ZFYVE28: variants seen among roughly 807,000 people sequenced by gnomAD.
The protein encoded by ZFYVE28 is lateral signaling target protein 2 homolog.
A neutral mutation model predicts 82.1 loss-of-function variants in ZFYVE28; 40 were observed. The observed-to-expected ratio is 0.49, with a 90% confidence interval of 0.38 to 0.63. The LOEUF (loss-of-function observed/expected upper bound fraction) is 0.63. Among genes scored for constraint, ZFYVE28 ranks in the 30% least tolerant of loss-of-function variants. The probability of loss-of-function intolerance (pLI) is 0.00; values close to 1 mark genes in which losing one functional copy is unlikely to be tolerated. For synonymous variants in ZFYVE28, 612 were observed against 546.1 expected, an observed-to-expected ratio of 1.12 and a Z score of -1.68; for missense variants, 1,321 against 1,242.1, an observed-to-expected ratio of 1.06 and a Z score of -0.96.
chr4:2,411,410 C>G (rs188867869), intron 1 of ZFYVE28, among the ~76,000 whole-genome samples: 8 of 152,372 alleles, frequency 5.3e-5, no homozygotes, highest in Admixed American at 5.2e-4. Context: ...CTATTCAGAT[C>G]AGTCAAAAAA....
In ZFYVE28 at chr4:2,341,743, G is replaced by T. The variant is rs1489768183; in HGVS notation, c.181-128C>A. On this transcript the variant is annotated intron_variant, in intron 2 of 12. Coordinates refer to ENST00000290974, the MANE Select transcript of ZFYVE28 (RefSeq NM_020972.3). This position sits in a 1 kb window ranked among gnomAD's most constrained non-coding sequence, Gnocchi z 4.5. ...ATTATTAAAGTGATAGAGGAGGCTA[G>T]GCACGGTGGCTCATGCCTATAATGC... 7 of 1,346,194 alleles carry T rather than the reference G, an allele frequency of 5.2e-6. No individual in the cohort carries two copies. The Admixed American group carries it at 1.6e-4, about 31-fold the overall frequency. 83.4% of individuals were successfully genotyped at this position (1,346,194 alleles called of 1,614,324 possible). A position where few individuals can be genotyped will look rare whatever the true frequency, so the allele number is the denominator to read the frequency against.
rs1733365791 is a variant in ZFYVE28 at position 2,418,402 on chromosome 4, G to T, written c.-79C>A. ...CGCCCGGGCCCGGCTGAGGCGCGGG[G>T]CGGACGCGGAGGCACGGCCGGAGCC... On this transcript the variant is annotated 5_prime_UTR_variant, in exon 1 of 13. Coordinates refer to ENST00000290974, the MANE Select transcript of ZFYVE28 (RefSeq NM_020972.3). This position sits in a 1 kb window ranked among gnomAD's most constrained non-coding sequence, Gnocchi z 4.6. The T allele has an allele frequency of 8.9e-7, 1 of 1,123,450 alleles. No individual in the cohort carries two copies. The highest frequency in any genetic ancestry group is 1.1e-6 in the Non-Finnish European group (1 of 910,388). The allele number at this position is 1,123,450 out of a possible 1,614,324, so 69.6% of individuals were successfully genotyped here.
intron 8 of ZFYVE28, among the ~76,000 whole-genome samples, chr4:2,289,086 C>A (rs1004745300): frequency 2.6e-5 from 4 of 152,258 alleles, no homozygotes; most frequent in African/African-American, 9.6e-5. Flanking sequence ...AGTTCGAGAC[C>A]AGCCTGGCCA....
chr4:2,400,596 A>C (rs1035785055), intron 1 of ZFYVE28, among the ~76,000 whole-genome samples: 3 of 152,178 alleles, frequency 2.0e-5, no homozygotes, highest in Non-Finnish European at 4.4e-5. Context: ...ATTAACTCAC[A>C]CAATCACAAG....
rs999336132 is a variant in ZFYVE28, at chr4:2,372,224, C to T, written c.40-18151G>A. Among the ~76,000 whole-genome samples, 5 of 152,140 alleles carry T rather than the reference C, an allele frequency of 3.3e-5. No individual in the cohort carries two copies. Among genetic ancestry groups the T allele is most frequent in the Non-Finnish European group, 7.4e-5 (5 of 68,022 alleles). ...GACCTTCCAGAGAACCAGAGGTTTC[C>T]ATCCTAGAAGGATGGTGGCGGGGCT... On this transcript the variant is annotated intron_variant, in intron 1 of 12. Coordinates refer to ENST00000290974, the MANE Select transcript of ZFYVE28 (RefSeq NM_020972.3). The surrounding 1 kb of genome is among the most constrained non-coding windows in gnomAD (Gnocchi z 5.2).
chr4:2,320,381 G>C lies in ZFYVE28; in HGVS notation c.702-110C>G. 8.1e-6 allele frequency: 7 copies of C among 860,250 alleles called. No individual in the cohort carries two copies. The highest frequency in any genetic ancestry group is 2.6e-4 in the Middle Eastern group (1 of 3,912). The allele number at this position is 860,250 out of a possible 1,614,324, so 53.3% of individuals were successfully genotyped here. ...ACCACGCCCGCTGGGACTCTGCAGC[G>C]CCACTGTCCCAGCACGGCCGCCGCC... On this transcript the variant is annotated intron_variant, in intron 6 of 12. Transcript: ENST00000290974. This position sits in a 1 kb window ranked among gnomAD's most constrained non-coding sequence, Gnocchi z 5.1.
intron 2 of ZFYVE28, among the ~76,000 whole-genome samples, chr4:2,346,164 T>TGA (rs1723528125): frequency 7.9e-6 from 1 of 126,488 alleles, no homozygotes; most frequent in East Asian, 2.3e-4. Flanking sequence ...CCGTCTCTAC[T>TGA]AAAAAAAAAA....
chr4:2,398,294 G>A (rs1183741577), intron 1 of ZFYVE28, among the ~76,000 whole-genome samples: 1 of 152,196 alleles, frequency 6.6e-6, no homozygotes, highest in Non-Finnish European at 1.5e-5. Flanking sequence ...GGGCTGCTTG[G>A]GGGAGCGACC....
At chr4:2,334,898 G>T (rs980378247) in intron 6 of ZFYVE28, among the ~76,000 whole-genome samples, 1 of 129,598 alleles carries the variant, frequency 7.7e-6, no homozygotes, top group African/African-American at 2.7e-5. Context: ...AGCTCTCTGT[G>T]GTCCACTCAC....
chr4:2,358,126 G>A lies in ZFYVE28; in HGVS notation c.40-4053C>T, dbSNP rs144005772. 4.9e-4 allele frequency among the ~76,000 whole-genome samples: 74 copies of A among 152,280 alleles called. No homozygotes were observed. The South Asian group carries it at 8.3e-3, about 17-fold the overall frequency. The stretch of plus-strand genomic sequence containing the variant: ...TCACACACTTCCTCTCCTGTGCTCT[G>A]GAGAGGCCAAGAACCACCGCCGTGT... On this transcript the variant is annotated intron_variant, in intron 1 of 12. Transcript: ENST00000290974.
chr4:2,308,711 AAAG>A (rs1321433406), intron 7 of ZFYVE28, among the ~76,000 whole-genome samples: 1 of 146,840 alleles, frequency 6.8e-6, no homozygotes, highest in Non-Finnish European at 1.5e-5. Context: ...AGAAAAAAGA[AAAG>A]AAAAGAAAGA....
rs370690862 is a variant in ZFYVE28, at chr4:2,416,010, C to T, written c.39+2275G>A. 2.6e-5 allele frequency among the ~76,000 whole-genome samples: 4 copies of T among 152,062 alleles called. No homozygotes were observed. The highest frequency in any genetic ancestry group is 4.1e-4 in the South Asian group (2 of 4,824). ...CAGACAGCATGCCAGGAGAAGACAA[C>T]GAGAAAAAGGAGAGATCCACATCAA... On this transcript the variant is annotated intron_variant, in intron 1 of 12. Coordinates refer to ENST00000290974, the MANE Select transcript of ZFYVE28 (RefSeq NM_020972.3). The surrounding 1 kb of genome is among the most constrained non-coding windows in gnomAD (Gnocchi z 4.6).
chr4:2,320,158 C>T lies in ZFYVE28; in HGVS notation c.803+12G>A, dbSNP rs1718865677. The T allele has an allele frequency of 1.9e-6, 3 of 1,607,920 alleles. No individual in the cohort carries two copies. Among genetic ancestry groups the T allele is most frequent in the Non-Finnish European group, 2.6e-6 (3 of 1,174,764 alleles). On this transcript the variant is annotated intron_variant, in intron 7 of 12. Transcript: ENST00000290974. This position sits in a 1 kb window ranked among gnomAD's most constrained non-coding sequence, Gnocchi z 5.1. Reference sequence around the variant, plus strand: ...CCCTCCCCTCCCCCACCTCCTCTAGCTCCATCCCCACCTTATTTTCCGCAG... The same window carrying T: ...CCCTCCCCTCCCCCACCTCCTCTAGTTCCATCCCCACCTTATTTTCCGCAG...
chr4:2,290,164 CAG>C (rs1264081689), intron 8 of ZFYVE28, among the ~76,000 whole-genome samples: 1 of 152,192 alleles, frequency 6.6e-6, no homozygotes, highest in Non-Finnish European at 1.5e-5. Context: ...AAGATCTCCT[CAG>C]GGGACAAGGC....
At chr4:2,410,936 C>A (rs983558679) in intron 1 of ZFYVE28, among the ~76,000 whole-genome samples, 1 of 151,474 alleles carries the variant, frequency 6.6e-6, no homozygotes, top group Admixed American at 6.6e-5. Flanking sequence ...ATGTATCTGA[C>A]ATTTAAGTAG....
chr4:2,337,176 G>A (rs934045717), intron 5 of ZFYVE28, among the ~76,000 whole-genome samples: 27 of 152,104 alleles, frequency 1.8e-4, no homozygotes, highest in Admixed American at 4.6e-4. Flanking sequence ...AAAAGCGACC[G>A]TGGGGCGGTG....
chr4:2,375,352 A>G (rs1728008278), intron 1 of ZFYVE28, among the ~76,000 whole-genome samples: 1 of 152,198 alleles, frequency 6.6e-6, no homozygotes, highest in African/African-American at 2.4e-5. Flanking sequence ...CCCAGGGTCA[A>G]TCAGCCGGGC....
intron 6 of ZFYVE28, chr4:2,330,742 C>T: frequency 6.8e-7 from 1 of 1,475,246 alleles, no homozygotes; most frequent in Non-Finnish European, 9.0e-7. Context: ...GAAAAGGGGA[C>T]AGTGCGGGGG....
chr4:2,368,280 T>C (rs1177318427), intron 1 of ZFYVE28, among the ~76,000 whole-genome samples: 2 of 150,452 alleles, frequency 1.3e-5, no homozygotes, highest in African/African-American at 4.9e-5. Context: ...TCTGCACCTG[T>C]AGTCTCAGCT....
Sources: allele counts gnomAD v4.1 joint callset (sites outside exome capture counted in the v4.1 genomes callset), GRCh38; gene constraint gnomAD v4.1.1; non-coding constraint Gnocchi (gnomAD v3.1); transcripts MANE v1.5; gene names NCBI Gene and HGNC (gene_info 2026-07-23, HGNC 2026-07-21).